Variants in MAST2 observed in about 807,000 individuals in gnomAD.
MAST2 encodes the protein microtubule associated serine/threonine kinase 2, also known as microtubule-associated serine/threonine-protein kinase 2.
Under a neutral mutation model 147.4 loss-of-function variants are expected in MAST2, and 70 were observed. The ratio of observed to expected loss-of-function variants is 0.47; its 90% CI spans 0.39 to 0.58. The LOEUF (loss-of-function observed/expected upper bound fraction) is 0.58, where lower values mean the gene tolerates loss of function less well. Among genes scored for constraint, MAST2 ranks in the 20% least tolerant of loss-of-function variants. The pLI is 0.00. For synonymous variants in MAST2, 869 were observed against 896.8 expected, an observed-to-expected ratio of 0.97 and a Z score of 0.55; for missense variants, 2,080 against 2,302.3, an observed-to-expected ratio of 0.90 and a Z score of 1.98.
intron 4 of MAST2, among the ~76,000 whole-genome samples, chr1:45,954,316 G>A (rs964340982): frequency 6.6e-6 from 1 of 152,152 alleles, no homozygotes; most frequent in Non-Finnish European, 1.5e-5. Context: ...GGAGGGAGGG[G>A]TTTTTGAAGG....
chr1:45,935,241 GTTAT>G (rs894493571), intron 4 of MAST2, among the ~76,000 whole-genome samples: 4 of 152,158 alleles, frequency 2.6e-5, no homozygotes, highest in Admixed American at 1.3e-4. Flanking sequence ...TTTTAATGGG[GTTAT>G]TTGTTTTTTG....
rs149873977 is a variant in MAST2 at position 46,001,499 on chromosome 1, C to T, written c.669-1306C>T. Among the ~76,000 whole-genome samples the T allele has an allele frequency of 3.9e-5, 6 of 152,266 alleles. No homozygotes were observed. The East Asian group carries it at 5.8e-4, about 15-fold the overall frequency. ...TCTTTGCTGAGCTATTTCCTGGAACCGACTTGTTTTATTGTGTGGTGCTCC... is the reference window on the plus strand; with the variant it reads ...TCTTTGCTGAGCTATTTCCTGGAACTGACTTGTTTTATTGTGTGGTGCTCC... On this transcript the variant is annotated intron_variant, in intron 6 of 28. Coordinates refer to ENST00000361297, the MANE Select transcript of MAST2 (RefSeq NM_015112.3).
intron 4 of MAST2, among the ~76,000 whole-genome samples, chr1:45,934,479 G>A (rs1277052110): frequency 6.6e-6 from 1 of 151,902 alleles, no homozygotes. Context: ...AGGCTTGAGT[G>A]CAGTGGCATG....
At chr1:46,026,919 G>A (rs1388153812) in intron 16 of MAST2, among the ~76,000 whole-genome samples, 2 of 152,270 alleles carry the variant, frequency 1.3e-5, no homozygotes, top group Non-Finnish European at 1.5e-5. Flanking sequence ...TTCTAATATA[G>A]GGAATAATTA....
intron 6 of MAST2, among the ~76,000 whole-genome samples, chr1:45,998,061 A>G (rs1645128429): frequency 6.6e-6 from 1 of 152,154 alleles, no homozygotes; most frequent in Non-Finnish European, 1.5e-5. Context: ...ATTTATTTGT[A>G]TAATTCACTT....
At chr1:45,966,435 A>C (rs944251177) in intron 5 of MAST2, among the ~76,000 whole-genome samples, 5 of 152,170 alleles carry the variant, frequency 3.3e-5, no homozygotes, top group African/African-American at 4.8e-5. Context: ...AAAAAAAAAA[A>C]AAAAAAACTC....
intron 1 of MAST2, among the ~76,000 whole-genome samples, chr1:45,823,841 C>T (rs1644711350): frequency 6.6e-6 from 1 of 152,054 alleles, no homozygotes; most frequent in Non-Finnish European, 1.5e-5. Flanking sequence ...TATTATTGGA[C>T]ACTGCTTACT....
intron 4 of MAST2, among the ~76,000 whole-genome samples, chr1:45,935,394 T>C (rs964393868): frequency 2.0e-5 from 3 of 152,202 alleles, no homozygotes; most frequent in African/African-American, 7.2e-5. Flanking sequence ...AGCTCTTTAG[T>C]CTAATTAGGT....
intron 4 of MAST2, among the ~76,000 whole-genome samples, chr1:45,939,328 C>T (rs1656784387): frequency 6.6e-6 from 1 of 152,118 alleles, no homozygotes; most frequent in South Asian, 2.1e-4. Flanking sequence ...CAAGTGTTAA[C>T]AGTTTATTTC....
intron 5 of MAST2, among the ~76,000 whole-genome samples, chr1:45,988,249 A>C (rs1325665205): frequency 3.3e-5 from 5 of 152,068 alleles, no homozygotes; most frequent in African/African-American, 1.2e-4. Flanking sequence ...CCTAGCCTCA[A>C]GGGATTCCCA....
At chr1:45,970,112 A>G (rs1469695126) in intron 5 of MAST2, among the ~76,000 whole-genome samples, 1 of 152,262 alleles carries the variant, frequency 6.6e-6, no homozygotes, top group Non-Finnish European at 1.5e-5. Context: ...TGTTAAGAAC[A>G]GAATGCTCCG....
In MAST2 at chr1:46,025,690, C is replaced by T. The variant is rs780921902; in HGVS notation, c.1794C>T (p.Ala598=). 2 of 1,614,008 alleles carry T rather than the reference C, an allele frequency of 1.2e-6. No homozygotes were observed. The highest frequency in any genetic ancestry group is 1.3e-5 in the African/African-American group (1 of 74,902). Reference sequence around the variant, plus strand: ...GGCTTGTTGCAGGGGGAGACTGTGCCACTCTGCTGAAGAATATTGGGGCCC... The same window carrying T: ...GGCTTGTTGCAGGGGGAGACTGTGCTACTCTGCTGAAGAATATTGGGGCCC... ...VMEYVEGGDC[A]TLLKNIGALP... Residue 598 remains alanine, a synonymous_variant, in exon 16 of 29, where the codon GCC becomes GCT. Coordinates refer to ENST00000361297, the MANE Select transcript of MAST2 (RefSeq NM_015112.3).
chr1:46,032,121 A>T, intron 24 of MAST2, 57 bp from the exon 25 acceptor site: 5 of 1,331,270 alleles, frequency 3.8e-6, no homozygotes, highest in Non-Finnish European at 5.4e-6. Context: ...AACAGACTGG[A>T]CCAGGGGCCA....
intron 5 of MAST2, among the ~76,000 whole-genome samples, chr1:45,979,397 G>T (rs1027106034): frequency 6.7e-6 from 1 of 149,520 alleles, no homozygotes; most frequent in Non-Finnish European, 1.5e-5. Flanking sequence ...AAGCCTGCTT[G>T]CTAGGCTGCT....
intron 1 of MAST2, among the ~76,000 whole-genome samples, chr1:45,810,097 C>G (rs1644247090): frequency 6.6e-6 from 1 of 152,156 alleles, no homozygotes; most frequent in Non-Finnish European, 1.5e-5. Flanking sequence ...GAGCTAAAGG[C>G]TTTGCTCACA....
intron 5 of MAST2, among the ~76,000 whole-genome samples, chr1:45,963,209 C>A (rs988055513): frequency 2.6e-5 from 4 of 152,184 alleles, no homozygotes; most frequent in African/African-American, 9.7e-5. Context: ...ATGCCTCCAG[C>A]TTTGTTCTTT....
At chr1:45,816,997 G>A (rs1183736014) in intron 1 of MAST2, among the ~76,000 whole-genome samples, 1 of 152,068 alleles carries the variant, frequency 6.6e-6, no homozygotes, top group African/African-American at 2.4e-5. Flanking sequence ...GAATTAGTGA[G>A]CTCGAAGACA....
intron 1 of MAST2, among the ~76,000 whole-genome samples, chr1:45,817,038 CAAA>C (rs1644477370): frequency 6.6e-6 from 1 of 151,540 alleles, no homozygotes; most frequent in South Asian, 2.1e-4. Context: ...CCAGAGGAGA[CAAA>C]AGAAGAAAAA....
intron 1 of MAST2, among the ~76,000 whole-genome samples, chr1:45,820,570 TATC>T (rs1001448427): frequency 3.3e-5 from 5 of 152,296 alleles, no homozygotes; most frequent in South Asian, 2.1e-4. Flanking sequence ...GTGTGCTAAA[TATC>T]ATAGATTTAT....
Sources: gnomAD v4.1 joint callset for allele counts (sites outside exome capture counted in the v4.1 genomes callset) on GRCh38, gnomAD v4.1.1 for gene constraint, MANE v1.5 for transcripts, NCBI Gene and HGNC (gene_info 2026-07-23, HGNC 2026-07-21) for gene names.